Variants in SGCD observed in about 807,000 individuals in gnomAD.
SGCD encodes sarcoglycan delta, also known as delta-sarcoglycan.
A neutral mutation model predicts 36.6 loss-of-function variants in SGCD; 18 were observed. The observed-to-expected ratio is 0.49, with a 90% CI of 0.34 to 0.73. SGCD has a LOEUF of 0.73. Among genes scored for constraint, SGCD ranks in the 30% least tolerant of loss-of-function variants. The pLI is 0.01. For synonymous variants in SGCD, 133 were observed against 130.6 expected, an observed-to-expected ratio of 1.02 and a Z score of -0.12; for missense variants, 387 against 346.7, an observed-to-expected ratio of 1.12 and a Z score of -0.92.
the SGCD span, among the ~76,000 whole-genome samples, chr5:155,845,111 G>C: frequency 1.3e-5 from 2 of 152,098 alleles, no homozygotes; most frequent in Non-Finnish European, 2.9e-5. Flanking sequence ...CTACTTATGA[G>C]TGAGAACATG....
the SGCD span, among the ~76,000 whole-genome samples, chr5:155,778,878 T>C: frequency 6.6e-6 from 1 of 152,168 alleles, no homozygotes; most frequent in Admixed American, 6.5e-5. Context: ...TCTTTGGCAA[T>C]AGTCACTCAA....
At chr5:156,276,419 CA>C (rs1242679011) in intron 3 of SGCD, among the ~76,000 whole-genome samples, 1 of 152,152 alleles carries the variant, frequency 6.6e-6, no homozygotes. Flanking sequence ...GTTAACTTGG[CA>C]AGGATACTTG....
chr5:156,680,375 A>G (rs1031445563), intron 7 of SGCD, among the ~76,000 whole-genome samples: 5 of 152,174 alleles, frequency 3.3e-5, no homozygotes, highest in African/African-American at 1.2e-4. Context: ...CATGATTACT[A>G]GAATCTTGAC....
intron 7 of SGCD, among the ~76,000 whole-genome samples, chr5:156,742,084 G>A (rs187798990): frequency 5.9e-5 from 9 of 152,228 alleles, no homozygotes; most frequent in African/African-American, 2.2e-4. Flanking sequence ...ACCCATGTTA[G>A]CCAAGATGGT....
intron 1 of SGCD, among the ~76,000 whole-genome samples, chr5:155,921,775 A>G (rs1756885268): frequency 6.6e-6 from 1 of 152,232 alleles, no homozygotes; most frequent in African/African-American, 2.4e-5. Context: ...GGCAGTGCTG[A>G]AAAATACTGA....
the SGCD span, among the ~76,000 whole-genome samples, chr5:155,793,522 A>G: frequency 6.6e-6 from 1 of 152,018 alleles, no homozygotes; most frequent in African/African-American, 2.4e-5. Flanking sequence ...TTCTGATTAT[A>G]TAATAAAATG....
At chr5:155,876,335 A>G (rs1431622644) in intron 1 of SGCD, among the ~76,000 whole-genome samples, 1 of 151,814 alleles carries the variant, frequency 6.6e-6, no homozygotes, top group Non-Finnish European at 1.5e-5. Context: ...AAATAACATC[A>G]ATACAAGAAT....
intron 3 of SGCD, among the ~76,000 whole-genome samples, chr5:156,298,069 T>C (rs1400732420): frequency 1.3e-5 from 2 of 152,122 alleles, no homozygotes; most frequent in African/African-American, 4.8e-5. Context: ...TTTCACTTAA[T>C]GTAATATCCT....
chr5:156,536,085 A>G (rs1012260303), intron 4 of SGCD, among the ~76,000 whole-genome samples: 1 of 152,108 alleles, frequency 6.6e-6, no homozygotes, highest in Non-Finnish European at 1.5e-5. Flanking sequence ...TTTAATGGCA[A>G]TATTCATTTG....
At chr5:156,370,906 G>A (rs1167243021) in intron 3 of SGCD, among the ~76,000 whole-genome samples, 1 of 152,108 alleles carries the variant, frequency 6.6e-6, no homozygotes, top group African/African-American at 2.4e-5. Context: ...AGATTCTGTG[G>A]GAGGCTGAGG....
chr5:156,602,799 T>C (rs1398834025), intron 6 of SGCD, among the ~76,000 whole-genome samples: 1 of 152,186 alleles, frequency 6.6e-6, no homozygotes, highest in Non-Finnish European at 1.5e-5. Context: ...TCCTACTTGG[T>C]CATAGTGAAT....
intron 3 of SGCD, among the ~76,000 whole-genome samples, chr5:156,186,745 A>C (rs1000512231): frequency 1.3e-5 from 2 of 152,128 alleles, no homozygotes; most frequent in Non-Finnish European, 2.9e-5. Flanking sequence ...AACTTGTTTT[A>C]AGGCTCCCTT....
chr5:156,134,683 C>T (rs1360169089), intron 3 of SGCD, among the ~76,000 whole-genome samples: 41 of 126,134 alleles, frequency 3.3e-4, no homozygotes, highest in African/African-American at 1.0e-3. Flanking sequence ...ACATCACACA[C>T]TGGGCCTGTC....
At chr5:156,224,814 G>T in intron 3 of SGCD, among the ~76,000 whole-genome samples, 1 of 152,062 alleles carries the variant, frequency 6.6e-6, no homozygotes, top group East Asian at 1.9e-4. Flanking sequence ...GTAATTCATA[G>T]GACATGCATT....
At chr5:156,567,377 AATAGATAGATAGATAGATAGATAG>A (rs35083006) in intron 4 of SGCD, among the ~76,000 whole-genome samples, 5 of 131,774 alleles carry the variant, frequency 3.8e-5, no homozygotes, top group African/African-American at 5.8e-5. Flanking sequence ...TGGATAGATA[AATAGATAGATAGATAGATAGATAG>A]ATAGATAGAT....
intron 7 of SGCD, among the ~76,000 whole-genome samples, chr5:156,686,033 GT>G (rs1399180100): frequency 6.6e-6 from 1 of 152,024 alleles, no homozygotes; most frequent in Non-Finnish European, 1.5e-5. Flanking sequence ...TAAAATAAAA[GT>G]TTTTAAAAAA....
intron 3 of SGCD, among the ~76,000 whole-genome samples, chr5:156,235,977 T>A (rs1303990194): frequency 6.6e-6 from 1 of 152,220 alleles, no homozygotes; most frequent in Non-Finnish European, 1.5e-5. Context: ...GTTCATGGGA[T>A]GGAAAAATGT....
intron 3 of SGCD, among the ~76,000 whole-genome samples, chr5:156,382,423 G>A (rs1286724997): frequency 6.6e-6 from 1 of 152,146 alleles, no homozygotes; most frequent in African/African-American, 2.4e-5. Context: ...AAATGCTGAG[G>A]ACTGCTTTAA....
intron 1 of SGCD, among the ~76,000 whole-genome samples, chr5:155,931,899 C>T (rs953376790): frequency 2.6e-5 from 4 of 152,162 alleles, no homozygotes; most frequent in African/African-American, 7.2e-5. Flanking sequence ...AAGGCACTGG[C>T]ATATTCAGTG....
Sources: gnomAD v4.1 joint callset for allele counts (sites outside exome capture counted in the v4.1 genomes callset) on GRCh38, gnomAD v4.1.1 for gene constraint, MANE v1.5 for transcripts, NCBI Gene and HGNC (gene_info 2026-07-23, HGNC 2026-07-21) for gene names.